Variants in LIMCH1 observed in about 807,000 individuals in gnomAD.
LIMCH1 encodes the protein LIM and calponin homology domains 1, also known as LIM and calponin homology domains-containing protein 1.
A neutral mutation model predicts 176.5 loss-of-function variants in LIMCH1; 113 were observed. That is an observed-to-expected ratio of 0.64 (90% confidence interval 0.55 to 0.75). The LOEUF (loss-of-function observed/expected upper bound fraction) is 0.75. Among genes scored for constraint, LIMCH1 ranks in the 30% least tolerant of loss-of-function variants. The probability of loss-of-function intolerance (pLI) is 0.00; values close to 1 mark genes in which losing one functional copy is unlikely to be tolerated. For synonymous variants in LIMCH1, 619 were observed against 645.9 expected, an observed-to-expected ratio of 0.96 and a Z score of 0.63; for missense variants, 1,674 against 1,814.9, an observed-to-expected ratio of 0.92 and a Z score of 1.41.
chr4:41,608,134 T>A (rs559030525), intron 4 of LIMCH1, among the ~76,000 whole-genome samples: 2 of 152,334 alleles, frequency 1.3e-5, no homozygotes, highest in East Asian at 3.9e-4. Flanking sequence ...AGCTTCTTTG[T>A]CTTTTTGTAC....
chr4:41,670,470 A>T (rs567060307), intron 21 of LIMCH1, among the ~76,000 whole-genome samples: 1 of 152,322 alleles, frequency 6.6e-6, no homozygotes, highest in Non-Finnish European at 1.5e-5. Context: ...ATTAAGTATG[A>T]CCCTGTGAAA....
At chr4:41,672,383 A>AAGAAT (rs1312824414) in intron 22 of LIMCH1, among the ~76,000 whole-genome samples, 46 of 152,316 alleles carry the variant, frequency 3.0e-4, no homozygotes, top group African/African-American at 9.9e-4. Context: ...GAAAAGAAAA[A>AAGAAT]AGAATAGAAT....
At chr4:41,657,667 G>A (rs979963852) in intron 18 of LIMCH1, among the ~76,000 whole-genome samples, 1 of 152,166 alleles carries the variant, frequency 6.6e-6, no homozygotes, top group Non-Finnish European at 1.5e-5. Context: ...TATTTTGCTA[G>A]CAGTAGCCAG....
Position 41,699,570 on chromosome 4 carries a change from A to G in LIMCH1, c.*2385A>G, listed in dbSNP as rs562331406. The G allele has an allele frequency of 7.4e-6, 1 of 134,230 alleles. No individual in the cohort carries two copies. The highest frequency in any genetic ancestry group is 2.6e-4 in the South Asian group (1 of 3,816). 8.3% of individuals were successfully genotyped at this position (134,230 alleles called of 1,614,324 possible). A position where few individuals can be genotyped will look rare whatever the true frequency, so the allele number is the denominator to read the frequency against. ...TTCAAATAATCTTTGAGATCCCAGG[A>G]AAAAAAAAATGCTCTGCTCCATTGA... On this transcript the variant is annotated 3_prime_UTR_variant, in exon 32 of 32. Transcript: ENST00000503057.
chr4:41,623,251 A>G (rs1390768282), intron 7 of LIMCH1, among the ~76,000 whole-genome samples: 1 of 152,216 alleles, frequency 6.6e-6, no homozygotes, highest in African/African-American at 2.4e-5. Context: ...TTTTAACCTC[A>G]GTGTTCTGTC....
intron 1 of LIMCH1, among the ~76,000 whole-genome samples, chr4:41,473,464 G>A (rs574688523): frequency 6.6e-6 from 1 of 152,288 alleles, no homozygotes; most frequent in Admixed American, 6.5e-5. Flanking sequence ...ATAGCAACTG[G>A]TCTGTTTTGC....
At chr4:41,589,016 C>A (rs2086991365) in intron 1 of LIMCH1, among the ~76,000 whole-genome samples, 1 of 152,190 alleles carries the variant, frequency 6.6e-6, no homozygotes, top group African/African-American at 2.4e-5. Flanking sequence ...ATTTCCTCCT[C>A]CTAGTCCTTG....
At chr4:41,438,843 A>T (rs1254598556) in intron 1 of LIMCH1, among the ~76,000 whole-genome samples, 1 of 152,234 alleles carries the variant, frequency 6.6e-6, no homozygotes, top group Non-Finnish European at 1.5e-5. Context: ...GCTCAGCAAG[A>T]TGAGTCCTGC....
chr4:41,646,253 A>C lies in LIMCH1; in HGVS notation c.2384A>C (p.Lys795Thr). 6.2e-7 allele frequency: 1 copy of C among 1,612,570 alleles called. No homozygotes were observed. The highest frequency in any genetic ancestry group is 8.5e-7 in the Non-Finnish European group (1 of 1,179,738). ...ACAAGTGAACGAAGGAAAAGCATCA[A>C]AACCTACAGAGAAATTGTTCAAGAA... The part of the protein sequence containing the change: ...DGTSERRKSI[K>T]TYREIVQEKE... Residue 795 changes from lysine (K) to threonine (T), a missense_variant, in exon 16 of 32, where the codon AAA (lysine) becomes ACA (threonine). By Grantham distance (78) the Lys-to-Thr change is moderately conservative. Coordinates refer to ENST00000503057, the MANE Select transcript of LIMCH1 (RefSeq NM_001330672.2).
intron 1 of LIMCH1, among the ~76,000 whole-genome samples, chr4:41,550,639 A>G (rs2080265500): frequency 6.6e-6 from 1 of 152,202 alleles, no homozygotes; most frequent in Non-Finnish European, 1.5e-5. Flanking sequence ...ACAACCTTGA[A>G]AAGAGATATT....
chr4:41,609,038 C>T (rs2091097069), intron 4 of LIMCH1, among the ~76,000 whole-genome samples: 1 of 152,062 alleles, frequency 6.6e-6, no homozygotes. Context: ...TGTACCCTGG[C>T]CCCATGTGGA....
chr4:41,669,330 T>TAGC (rs1341010005), intron 21 of LIMCH1, among the ~76,000 whole-genome samples: 2 of 152,222 alleles, frequency 1.3e-5, no homozygotes, highest in Non-Finnish European at 2.9e-5. Flanking sequence ...AATTGTAGAA[T>TAGC]AGCAGCAGGA....
At chr4:41,693,309 T>C (rs115442056) in intron 31 of LIMCH1, 89 of 152,338 alleles carry the variant, frequency 5.8e-4, no homozygotes, top group African/African-American at 2.1e-3. Context: ...GGATCTCAAA[T>C]CTCTGCAAGA....
rs565524806 is a variant in LIMCH1 at position 41,407,030 on chromosome 4, C to A, written c.96+46094C>A. 1.2e-4 allele frequency among the ~76,000 whole-genome samples: 18 copies of A among 152,278 alleles called. No homozygotes were observed. In the East Asian group the frequency reaches 3.5e-3, roughly 29 times the overall value. ...TATCATTGTTGGGTCTTCCAAGGAT[C>A]TAATATGTCAATCCAGATCCATGCA... is the stretch of plus-strand genomic sequence containing the variant. On this transcript the variant is annotated intron_variant, in intron 1 of 26. Coordinates refer to the LIMCH1 transcript ENST00000313860.
chr4:41,414,541 C>A (rs530203512), intron 1 of LIMCH1, among the ~76,000 whole-genome samples: 1 of 152,210 alleles, frequency 6.6e-6, no homozygotes, highest in East Asian at 1.9e-4. Context: ...ACTGTAAATC[C>A]GTATGTCAGA....
At chr4:41,632,185 G>T (rs2093361176) in intron 10 of LIMCH1, among the ~76,000 whole-genome samples, 1 of 152,128 alleles carries the variant, frequency 6.6e-6, no homozygotes, top group African/African-American at 2.4e-5. Context: ...AACACATATA[G>T]GACATGTGTA....
At chr4:41,568,819 C>T (rs1261391764) in intron 1 of LIMCH1, among the ~76,000 whole-genome samples, 1 of 152,132 alleles carries the variant, frequency 6.6e-6, no homozygotes, top group African/African-American at 2.4e-5. Flanking sequence ...TCTCAAATTT[C>T]TAGACATGTT....
At chr4:41,653,196 G>A (rs1005839215) in intron 18 of LIMCH1, among the ~76,000 whole-genome samples, 6 of 152,128 alleles carry the variant, frequency 3.9e-5, no homozygotes, top group Admixed American at 1.3e-4. Context: ...GATACCACAA[G>A]TTTTCCATTC....
At chr4:41,432,792 A>AG (rs112534256) in intron 1 of LIMCH1, among the ~76,000 whole-genome samples, 3,781 of 152,328 alleles carry the variant, frequency 0.025, 164 homozygotes, top group African/African-American at 0.085. Flanking sequence ...GTTAAAATAC[A>AG]GGACATATGG....
Sources: allele counts gnomAD v4.1 joint callset (sites outside exome capture counted in the v4.1 genomes callset), GRCh38; gene constraint gnomAD v4.1.1; transcripts MANE v1.5; gene names NCBI Gene and HGNC (gene_info 2026-07-23, HGNC 2026-07-21).